CCSER1: variants seen among roughly 807,000 people sequenced by gnomAD.
The protein encoded by CCSER1 is serine-rich coiled-coil domain-containing protein 1.
A neutral mutation model predicts 82.0 loss-of-function variants in CCSER1; 41 were observed. That is an observed-to-expected ratio of 0.50 (90% CI 0.39 to 0.65). CCSER1 has a LOEUF of 0.65. CCSER1 is among the 30% of genes least tolerant of loss of function. The pLI, the probability that CCSER1 is intolerant of heterozygous loss-of-function variation, is 0.00. For synonymous variants in CCSER1, 414 were observed against 383.9 expected (o/e 1.08, Z -0.92); for missense variants, 1,119 against 1,064.2 (o/e 1.05, Z -0.72).
chr4:91,167,444 A>G (rs530430169), intron 10 of CCSER1, among the ~76,000 whole-genome samples: 1 of 152,126 alleles, frequency 6.6e-6, no homozygotes, highest in Non-Finnish European at 1.5e-5. Context: ...TCAGCCTCCC[A>G]AAGTGCTGGG....
chr4:91,595,734 A>G (rs1045920354), intron 10 of CCSER1, among the ~76,000 whole-genome samples: 4 of 152,036 alleles, frequency 2.6e-5, no homozygotes, highest in Non-Finnish European at 5.9e-5. Flanking sequence ...CTTGAAGCTG[A>G]CTTAAGGTAG....
chr4:90,322,017 T>C (rs1737227971), intron 3 of CCSER1, among the ~76,000 whole-genome samples: 1 of 152,284 alleles, frequency 6.6e-6, no homozygotes, highest in Admixed American at 6.5e-5. Context: ...TATGCTTTGG[T>C]TGCCTGTGTT....
At chr4:91,544,918 G>A (rs901671281) in intron 10 of CCSER1, among the ~76,000 whole-genome samples, 2 of 152,152 alleles carry the variant, frequency 1.3e-5, no homozygotes, top group African/African-American at 4.8e-5. Context: ...GGAGTCTACA[G>A]AGGCAGGCAG....
intron 1 of CCSER1, among the ~76,000 whole-genome samples, chr4:90,134,032 T>G (rs1231226052): frequency 7.0e-6 from 1 of 142,040 alleles, no homozygotes; most frequent in African/African-American, 2.7e-5. Context: ...TTATGAAATA[T>G]TATTTTATTA....
chr4:90,667,036 G>A (rs1439978362), intron 6 of CCSER1, among the ~76,000 whole-genome samples: 1 of 152,196 alleles, frequency 6.6e-6, no homozygotes, highest in Non-Finnish European at 1.5e-5. Flanking sequence ...GTTGAAAACT[G>A]CATGGTCTTT....
chr4:90,709,532 G>A (rs111625796), intron 6 of CCSER1, among the ~76,000 whole-genome samples: 1 of 152,238 alleles, frequency 6.6e-6, no homozygotes, highest in East Asian at 1.9e-4. Context: ...AGAATATACA[G>A]TATTTGGTTT....
chr4:91,420,492 A>G (rs1027304097), intron 10 of CCSER1, among the ~76,000 whole-genome samples: 1 of 152,114 alleles, frequency 6.6e-6, no homozygotes, highest in African/African-American at 2.4e-5. Flanking sequence ...ACAATGAGAT[A>G]TTACTTCACG....
chr4:90,753,438 A>G (rs921678505), intron 7 of CCSER1, among the ~76,000 whole-genome samples: 1 of 152,162 alleles, frequency 6.6e-6, no homozygotes, highest in African/African-American at 2.4e-5. Context: ...CTCAAGCCAA[A>G]AATAAGAGAG....
At chr4:91,262,367 G>A (rs1036746907) in intron 10 of CCSER1, among the ~76,000 whole-genome samples, 28 of 152,016 alleles carry the variant, frequency 1.8e-4, no homozygotes, top group African/African-American at 6.3e-4. Flanking sequence ...TATTAGACAC[G>A]AAAATGTCTG....
intron 10 of CCSER1, among the ~76,000 whole-genome samples, chr4:91,243,072 T>C (rs564094556): frequency 1.3e-5 from 2 of 152,208 alleles, no homozygotes; most frequent in African/African-American, 4.8e-5. Flanking sequence ...CCATGTAGCA[T>C]GGAGAGAGAA....
At chr4:90,587,885 C>A (rs1782208904) in intron 5 of CCSER1, among the ~76,000 whole-genome samples, 1 of 152,108 alleles carries the variant, frequency 6.6e-6, no homozygotes, top group African/African-American at 2.4e-5. Context: ...AGGTTCAGTT[C>A]CAGACCACCA....
chr4:91,020,758 A>G (rs1305907690), intron 9 of CCSER1, among the ~76,000 whole-genome samples: 1 of 152,206 alleles, frequency 6.6e-6, no homozygotes, highest in Non-Finnish European at 1.5e-5. Flanking sequence ...TATACAAAAT[A>G]TACTTCATCT....
At chr4:90,455,154 C>T (rs1282811871) in intron 4 of CCSER1, among the ~76,000 whole-genome samples, 2 of 152,220 alleles carry the variant, frequency 1.3e-5, no homozygotes, top group African/African-American at 2.4e-5. Context: ...AAAGTCTGCA[C>T]ATGTGGGACT....
At chr4:90,895,201 G>A (rs1723529899) in intron 8 of CCSER1, among the ~76,000 whole-genome samples, 1 of 151,802 alleles carries the variant, frequency 6.6e-6, no homozygotes, top group African/African-American at 2.4e-5. Context: ...TAGGACACCA[G>A]CCAAAAACCA....
intron 10 of CCSER1, among the ~76,000 whole-genome samples, chr4:91,143,752 A>G (rs922377129): frequency 4.6e-5 from 7 of 151,834 alleles, no homozygotes; most frequent in East Asian, 1.9e-4. Context: ...TTTGTTTTCA[A>G]TTCTGTTTAT....
At position 91,557,805 on chromosome 4, in the gene CCSER1, T is replaced by C. The variant is rs1384282835; in HGVS notation, c.2218-40767T>C. ...TAAAGATATATTAAGGTTGCAGTCA[T>C]TGACAGTTGTTATATTAATATTTTC... On this transcript the variant is annotated intron_variant, in intron 10 of 10. Transcript: ENST00000509176. Among the ~76,000 whole-genome samples the C allele has an allele frequency of 4.0e-5, 6 of 151,464 alleles. 1 individual carries two copies. The South Asian group carries it at 1.2e-3, about 31-fold the overall frequency.
chr4:91,416,159 T>A (rs185280014), intron 10 of CCSER1, among the ~76,000 whole-genome samples: 1 of 152,192 alleles, frequency 6.6e-6, no homozygotes. Context: ...GTGAAGGACC[T>A]CTTCAAGGAG....
At chr4:91,165,368 C>T (rs896690414) in intron 10 of CCSER1, among the ~76,000 whole-genome samples, 1 of 152,128 alleles carries the variant, frequency 6.6e-6, no homozygotes, top group African/African-American at 2.4e-5. Flanking sequence ...TGTCAGTTGG[C>T]CCCTACTGGG....
chr4:90,756,203 G>C (rs1267005042), intron 7 of CCSER1, among the ~76,000 whole-genome samples: 1 of 152,096 alleles, frequency 6.6e-6, no homozygotes, highest in Non-Finnish European at 1.5e-5. Context: ...ACTCCAGCCT[G>C]GGTGACAGAG....
Sources: allele counts gnomAD v4.1 joint callset (sites outside exome capture counted in the v4.1 genomes callset), GRCh38; gene constraint gnomAD v4.1.1; transcripts MANE v1.5; gene names NCBI Gene and HGNC (gene_info 2026-07-23, HGNC 2026-07-21).